The following SLC14A2 variants were observed in gnomAD, a reference collection of about 807,000 sequenced individuals.
SLC14A2 encodes solute carrier family 14 member 2.
In SLC14A2, 91 loss-of-function variants were observed where a neutral mutation model predicts 104.6. That is an observed-to-expected ratio of 0.87 (90% confidence interval 0.73 to 1.04). The LOEUF (loss-of-function observed/expected upper bound fraction) is 1.04. Among genes scored for constraint, SLC14A2 ranks in the 50% least tolerant of loss-of-function variants. The pLI, the probability that SLC14A2 is intolerant of heterozygous loss-of-function variation, is 0.00. For missense variants in SLC14A2, 1,189 were observed against 1,156.0 expected (o/e 1.03, Z -0.41); for synonymous variants, 476 against 466.4 (o/e 1.02, Z -0.27).
chr18:45,410,338 C>T (rs1187457051), intron 1 of SLC14A2, among the ~76,000 whole-genome samples: 1 of 152,126 alleles, frequency 6.6e-6, no homozygotes, highest in Non-Finnish European at 1.5e-5. Context: ...TTTAAGCAAA[C>T]TTCATAAACT....
chr18:45,483,908 G>A (rs2087544832), intron 2 of SLC14A2, among the ~76,000 whole-genome samples: 1 of 152,176 alleles, frequency 6.6e-6, no homozygotes, highest in Non-Finnish European at 1.5e-5. Flanking sequence ...CAAGATGGAT[G>A]CGCTGGCATC....
At chr18:45,318,067 T>C (rs1289278583) in intron 1 of SLC14A2, among the ~76,000 whole-genome samples, 1 of 152,224 alleles carries the variant, frequency 6.6e-6, no homozygotes, top group East Asian at 1.9e-4. Context: ...GACTGTAAAC[T>C]GTATACATTA....
At chr18:45,500,693 A>G (rs1014383965) in intron 2 of SLC14A2, among the ~76,000 whole-genome samples, 1 of 152,062 alleles carries the variant, frequency 6.6e-6, no homozygotes, top group Non-Finnish European at 1.5e-5. Flanking sequence ...ACTGTTGCAC[A>G]TTCCTTGTTC....
chr18:45,630,351 C>A (rs1217433280), intron 4 of SLC14A2, among the ~76,000 whole-genome samples: 1 of 152,166 alleles, frequency 6.6e-6, no homozygotes, highest in Non-Finnish European at 1.5e-5. Context: ...TAAGCATGAC[C>A]TCCATCACCC....
At chr18:45,531,842 T>TGTAA (rs1036083458) in intron 2 of SLC14A2, among the ~76,000 whole-genome samples, 2 of 152,216 alleles carry the variant, frequency 1.3e-5, no homozygotes, top group African/African-American at 4.8e-5. Context: ...AGGTCTAACA[T>TGTAA]GTAAGTCTTT....
chr18:45,333,788 C>G (rs2085312411), intron 1 of SLC14A2, among the ~76,000 whole-genome samples: 2 of 152,150 alleles, frequency 1.3e-5, no homozygotes, highest in African/African-American at 4.8e-5. Flanking sequence ...GATCTTGACT[C>G]CATTCATTAA....
chr18:45,337,409 T>C (rs1391950505), intron 1 of SLC14A2, among the ~76,000 whole-genome samples: 1 of 152,226 alleles, frequency 6.6e-6, no homozygotes, highest in African/African-American at 2.4e-5. Context: ...CTCCATGTAG[T>C]ACTCAATTCT....
intron 10 of SLC14A2, chr18:45,647,314 T>C (rs1037939998): frequency 2.0e-5 from 3 of 152,252 alleles, no homozygotes; most frequent in African/African-American, 7.2e-5. Flanking sequence ...TTACTTATAA[T>C]GTTCTCATAA....
intron 19 of SLC14A2, among the ~76,000 whole-genome samples, chr18:45,679,620 C>G (rs1218719379): frequency 1.3e-5 from 2 of 152,196 alleles, no homozygotes; most frequent in South Asian, 4.1e-4. Context: ...CTCCCCTTGT[C>G]AGATAAGGGT....
the SLC14A2 span, among the ~76,000 whole-genome samples, chr18:45,187,710 ACTT>A: frequency 6.6e-6 from 1 of 152,046 alleles, no homozygotes; most frequent in African/African-American, 2.4e-5. Context: ...CTTCCAGATC[ACTT>A]CTTCTCTATG....
intron 1 of SLC14A2, among the ~76,000 whole-genome samples, chr18:45,291,616 A>C (rs1341689807): frequency 6.6e-6 from 1 of 152,206 alleles, no homozygotes. Flanking sequence ...AGCAAAGGGC[A>C]GTAAAGGCAT....
At chr18:45,282,238 G>A (rs1037713744) in intron 1 of SLC14A2, among the ~76,000 whole-genome samples, 16 of 152,142 alleles carry the variant, frequency 1.1e-4, no homozygotes, top group African/African-American at 3.9e-4. Flanking sequence ...AGGCTGGCTT[G>A]AAATGACCTA....
chr18:45,225,153 T>C (rs1381438828), intron 1 of SLC14A2, among the ~76,000 whole-genome samples: 1 of 152,188 alleles, frequency 6.6e-6, no homozygotes, highest in Admixed American at 6.5e-5. Flanking sequence ...TAATCCATCT[T>C]GAATTAATTT....
At chr18:45,361,246 G>T (rs2085607778) in intron 1 of SLC14A2, among the ~76,000 whole-genome samples, 1 of 152,198 alleles carries the variant, frequency 6.6e-6, no homozygotes, top group Non-Finnish European at 1.5e-5. Context: ...TAATAGAAGA[G>T]ACTGGGTTTC....
At chr18:45,651,963 G>C (rs2045745844) in intron 10 of SLC14A2, among the ~76,000 whole-genome samples, 1 of 152,136 alleles carries the variant, frequency 6.6e-6, no homozygotes, top group Admixed American at 6.5e-5. Flanking sequence ...CTCTCTGAAG[G>C]GACTCTCTTT....
At chr18:45,678,954 C>CTTTTTTTTTTT (rs72437878) in intron 18 of SLC14A2, 21 bp from the exon 19 acceptor site, 6 of 1,435,926 alleles carry the variant, frequency 4.2e-6, no homozygotes, top group East Asian at 4.9e-5. Context: ...CTATTTCTTT[C>CTTTTTTTTTTT]TTTTTTTTTT....
chr18:45,413,620 GA>G (rs2086238009), intron 1 of SLC14A2, among the ~76,000 whole-genome samples: 1 of 152,162 alleles, frequency 6.6e-6, no homozygotes, highest in East Asian at 1.9e-4. Context: ...TTGTAGATTT[GA>G]AATTCCACTG....
At chr18:45,270,223 T>G (rs1236235729) in intron 1 of SLC14A2, among the ~76,000 whole-genome samples, 1 of 152,168 alleles carries the variant, frequency 6.6e-6, no homozygotes, top group African/African-American at 2.4e-5. Context: ...GTACTCTGTG[T>G]GGGTTTCCTT....
intron 18 of SLC14A2, among the ~76,000 whole-genome samples, chr18:45,676,855 G>C (rs1308586624): frequency 1.3e-5 from 2 of 152,168 alleles, no homozygotes; most frequent in Non-Finnish European, 2.9e-5. Flanking sequence ...CTTGAAGTCA[G>C]GTCTGCCTGA....
Sources: gnomAD v4.1 joint callset for allele counts (sites outside exome capture counted in the v4.1 genomes callset) on GRCh38, gnomAD v4.1.1 for gene constraint, MANE v1.5 for transcripts, NCBI Gene and HGNC (gene_info 2026-07-23, HGNC 2026-07-21) for gene names.